TBCK: variants seen among roughly 807,000 people sequenced by gnomAD.
TBCK encodes TBC1 domain containing kinase.
Under a neutral mutation model 113.4 loss-of-function variants are expected in TBCK, and 99 were observed. The observed-to-expected ratio is 0.87, with a 90% CI of 0.74 to 1.03. The LOEUF is 1.03. Ranked by LOEUF, TBCK falls within the 50% of genes least tolerant of loss-of-function variation. The pLI is 0.00. For missense variants in TBCK, 1,045 were observed against 1,061.3 expected (o/e 0.98, Z 0.21); for synonymous variants, 369 against 370.8 (o/e 1.00, Z 0.05).
Position 106,140,867 on chromosome 4 carries a change from C to T in TBCK, c.2236-24489G>A, listed in dbSNP as rs576833001. On this transcript the variant is annotated intron_variant, in intron 23 of 25. Coordinates refer to ENST00000394708, the MANE Select transcript of TBCK (RefSeq NM_001163435.3). ...AGTTTCTGATAGGATCAAGGCCCTC[C>T]ACATAAATAGAAATTAGGACAGAGC... 2.1e-5 allele frequency among the ~76,000 whole-genome samples: 3 copies of T among 140,088 alleles called. No homozygotes were observed. In the South Asian group the frequency reaches 7.3e-4, roughly 34 times the overall value. The allele number at this position is 140,088 out of a possible 152,430, so 91.9% of individuals were successfully genotyped here.
At chr4:106,164,961 C>A (rs1442075219) in intron 23 of TBCK, among the ~76,000 whole-genome samples, 1 of 151,108 alleles carries the variant, frequency 6.6e-6, no homozygotes, top group Non-Finnish European at 1.5e-5. Context: ...ATAGTATATA[C>A]AAGCAGTTAG....
intron 23 of TBCK, among the ~76,000 whole-genome samples, chr4:106,151,510 A>C (rs982433193): frequency 6.6e-6 from 1 of 152,030 alleles, no homozygotes; most frequent in Non-Finnish European, 1.5e-5. Flanking sequence ...AATGTCCTCC[A>C]GTTCCATCTG....
chr4:106,260,911 C>A (rs1029430828), intron 4 of TBCK, among the ~76,000 whole-genome samples: 2 of 151,760 alleles, frequency 1.3e-5, no homozygotes, highest in African/African-American at 4.8e-5. Flanking sequence ...GTTGAAAGTC[C>A]ATTTATAGTT....
chr4:106,200,994 T>A (rs1754820961), intron 20 of TBCK, among the ~76,000 whole-genome samples: 1 of 152,006 alleles, frequency 6.6e-6, no homozygotes, highest in East Asian at 1.9e-4. Flanking sequence ...GGCATGTATT[T>A]AAAAAAATTA....
intron 25 of TBCK, among the ~76,000 whole-genome samples, chr4:106,081,744 T>C (rs909998907): frequency 7.9e-5 from 12 of 152,036 alleles, no homozygotes; most frequent in Non-Finnish European, 1.6e-4. Flanking sequence ...TATAAGAAAC[T>C]TAAATCAAAA....
chr4:106,154,551 C>T lies in TBCK; in HGVS notation c.2235+16544G>A, dbSNP rs140446189. ...TGATTGGATCATGGGAGTCATTTCTCATGGCTTAACACCACCGTCCTTGGT... is the reference window on the plus strand; with the variant it reads ...TGATTGGATCATGGGAGTCATTTCTTATGGCTTAACACCACCGTCCTTGGT... On this transcript the variant is annotated intron_variant, in intron 23 of 25. Transcript: ENST00000394708. 6.7e-3 allele frequency among the ~76,000 whole-genome samples: 1,014 copies of T among 152,228 alleles called. 1 individual carries two copies. The highest frequency in any genetic ancestry group is 0.01 in the Non-Finnish European group (696 of 68,012).
chr4:106,286,483 A>G (rs888828950), intron 3 of TBCK, among the ~76,000 whole-genome samples: 3 of 152,212 alleles, frequency 2.0e-5, no homozygotes, highest in Admixed American at 1.3e-4. Context: ...TGGCAAAGCA[A>G]TATTGATTGT....
chr4:106,114,582 C>A (rs1440052667), intron 24 of TBCK, among the ~76,000 whole-genome samples: 1 of 152,158 alleles, frequency 6.6e-6, no homozygotes, highest in Non-Finnish European at 1.5e-5. Flanking sequence ...CAGCCAGGTC[C>A]TCTAGCCCGC....
At chr4:106,087,590 T>A (rs1739658789) in intron 25 of TBCK, among the ~76,000 whole-genome samples, 1 of 152,208 alleles carries the variant, frequency 6.6e-6, no homozygotes, top group Admixed American at 6.5e-5. Flanking sequence ...ATTTTAAATT[T>A]CATATGAAAT....
rs1018435200 is a variant in TBCK at position 106,137,952 on chromosome 4, G to C, written c.2236-21574C>G. Among the ~76,000 whole-genome samples the C allele has an allele frequency of 1.1e-4, 16 of 140,846 alleles. 2 individuals are homozygous for C. Among genetic ancestry groups the C allele is most frequent in the African/African-American group, 3.8e-4 (15 of 39,934 alleles). The allele number at this position is 140,846 out of a possible 152,430, so 92.4% of individuals were successfully genotyped here. On this transcript the variant is annotated intron_variant, in intron 23 of 25. Transcript: ENST00000394708. Reference sequence around the variant, plus strand: ...CTGGGCCTCAGTTTTCTCAAATGATGGGCAGGAGTAGACAGTATTTGTACA... The same window carrying C: ...CTGGGCCTCAGTTTTCTCAAATGATCGGCAGGAGTAGACAGTATTTGTACA...
chr4:106,226,200 G>A (rs538359309), intron 19 of TBCK, among the ~76,000 whole-genome samples: 1 of 152,196 alleles, frequency 6.6e-6, no homozygotes, highest in East Asian at 1.9e-4. Flanking sequence ...ATTAGAAAGT[G>A]TGGAAATTTG....
chr4:106,260,338 T>C (rs1178225936), intron 5 of TBCK, 99 bp downstream of exon 5: 1 of 475,424 alleles, frequency 2.1e-6, no homozygotes. Flanking sequence ...GCTGTTTGCA[T>C]ATCAAAAAGG....
intron 25 of TBCK, among the ~76,000 whole-genome samples, chr4:106,068,137 T>C (rs527751549): frequency 8.5e-5 from 13 of 152,184 alleles, no homozygotes; most frequent in African/African-American, 2.9e-4. Flanking sequence ...AGATATTCAA[T>C]TTCTTTTTAT....
chr4:106,165,724 T>A (rs1034039770), intron 23 of TBCK, among the ~76,000 whole-genome samples: 1 of 151,786 alleles, frequency 6.6e-6, no homozygotes, highest in Non-Finnish European at 1.5e-5. Context: ...GCTTTACGTA[T>A]ATCATTATTA....
At chr4:106,095,372 C>T in intron 25 of TBCK, 110 bp downstream of exon 25, 1 of 972,112 alleles carries the variant, frequency 1.0e-6, no homozygotes, top group Non-Finnish European at 1.5e-6. Flanking sequence ...CTTCAAAGCT[C>T]ATAGTATTTG....
At chr4:106,067,324 G>A (rs986385692) in intron 25 of TBCK, among the ~76,000 whole-genome samples, 8 of 151,932 alleles carry the variant, frequency 5.3e-5, no homozygotes, top group Non-Finnish European at 8.8e-5. Context: ...TCTTAATATC[G>A]TTGTCTGTTG....
chr4:106,142,935 T>C (rs1386521930), intron 23 of TBCK, among the ~76,000 whole-genome samples: 1 of 152,206 alleles, frequency 6.6e-6, no homozygotes, highest in Non-Finnish European at 1.5e-5. Flanking sequence ...ATGTTAATAC[T>C]GTGTCAAGGC....
intron 24 of TBCK, among the ~76,000 whole-genome samples, chr4:106,111,487 C>T (rs1279662958): frequency 6.6e-6 from 1 of 152,160 alleles, no homozygotes; most frequent in African/African-American, 2.4e-5. Flanking sequence ...AATGAAAGGC[C>T]AGCTCACTGA....
In TBCK at chr4:106,308,739, T is replaced by C. The variant is rs73839421; in HGVS notation, c.193+29A>G. 3.6e-3 allele frequency: 5,757 copies of C among 1,586,902 alleles called. 109 individuals carry two copies. In the African/African-American group the frequency reaches 0.048, roughly 13 times the overall value. ...ACTTAGGGTAACAAAGTAGAGAACA[T>C]AAATAGGAAAAAAAAGAAAATAACT... On this transcript the variant is annotated intron_variant, in intron 2 of 25. Transcript: ENST00000394708.
Sources: allele counts gnomAD v4.1 joint callset (sites outside exome capture counted in the v4.1 genomes callset), GRCh38; gene constraint gnomAD v4.1.1; transcripts MANE v1.5; gene names NCBI Gene and HGNC (gene_info 2026-07-23, HGNC 2026-07-21).